The following TCF4 variants were observed in gnomAD, a reference collection of about 807,000 sequenced individuals.
TCF4 encodes transcription factor 4.
In TCF4, 3 loss-of-function variants were observed where a neutral mutation model predicts 82.1. That is an observed-to-expected ratio of 0.04 (90% CI 0.02 to 0.09). The LOEUF (loss-of-function observed/expected upper bound fraction) is 0.09. TCF4 is among the 10% of genes least tolerant of loss of function. The pLI is 1.00. For missense variants in TCF4, 518 were observed against 852.7 expected (o/e 0.61, Z 4.89); for synonymous variants, 276 against 309.6 (o/e 0.89, Z 1.14).
intron 2 of TCF4, chr18:55,596,285 G>A: frequency 6.7e-6 from 2 of 298,882 alleles, no homozygotes; most frequent in South Asian, 4.9e-5. Flanking sequence ...TAAAGCTATG[G>A]CACATGTCAC....
chr18:55,499,962 C>T (rs1336164616), intron 3 of TCF4, among the ~76,000 whole-genome samples: 1 of 151,972 alleles, frequency 6.6e-6, no homozygotes, highest in Non-Finnish European at 1.5e-5. Context: ...GCAGGCGGAT[C>T]ACACAAGGTC....
At chr18:55,589,808 A>G (rs929716234), upstream of TCF4, 27 of 1,007,928 alleles carry the variant, frequency 2.7e-5, no homozygotes, top group African/African-American at 3.5e-5. Flanking sequence ...GGGCTTATAA[A>G]GAGAAGGAGC....
intron 3 of TCF4, among the ~76,000 whole-genome samples, chr18:55,582,289 A>G (rs796840248): frequency 9.2e-5 from 14 of 152,230 alleles, no homozygotes; most frequent in African/African-American, 3.4e-4. Context: ...TTTTAAGATC[A>G]ATGATATAAC....
rs2046162661 is a variant in TCF4, at chr18:55,223,646, C to T, written c.*4389G>A. The T allele has an allele frequency of 1.3e-5, 2 of 151,396 alleles. No individual in the cohort carries two copies. The highest frequency in any genetic ancestry group is 2.4e-5 in the African/African-American group (1 of 41,106). 9.4% of individuals were successfully genotyped at this position (151,396 alleles called of 1,614,324 possible). A position where few individuals can be genotyped will look rare whatever the true frequency, so the allele number is the denominator to read the frequency against. Reference sequence around the variant, plus strand: ...AAAAACATGAAAAAATCGAGGCACTCAGCCACACATTGAAAACAAGGTGTA... The same window carrying T: ...AAAAACATGAAAAAATCGAGGCACTTAGCCACACATTGAAAACAAGGTGTA... On this transcript the variant is annotated 3_prime_UTR_variant, in exon 20 of 20. Coordinates refer to ENST00000354452, the MANE Select transcript of TCF4 (RefSeq NM_001083962.2).
At chr18:55,363,486 A>G (rs1209673013) in intron 6 of TCF4, among the ~76,000 whole-genome samples, 1 of 152,160 alleles carries the variant, frequency 6.6e-6, no homozygotes, top group East Asian at 1.9e-4. Flanking sequence ...ACATATTGGG[A>G]CCCAGACTAC....
intron 8 of TCF4, among the ~76,000 whole-genome samples, chr18:55,343,625 A>C (rs1363724409): frequency 6.6e-6 from 1 of 152,172 alleles, no homozygotes; most frequent in Non-Finnish European, 1.5e-5. Context: ...CAAAATGCAG[A>C]AACTTCTGCA....
rs773484932 is a variant in TCF4 at position 55,403,446 on chromosome 18, TCA to T, written c.369+6_369+7del. 3 of 1,613,750 alleles carry T rather than the reference TCA, an allele frequency of 1.9e-6. No individual in the cohort carries two copies. The Admixed American group carries it at 5.0e-5, about 27-fold the overall frequency. ...CTCAACCCTTCCGCAACAGAGATTC[TCA>T]CTTACCTGGTGGCAACCCTGTAAGT... On this transcript the variant is annotated splice_donor_region_variant and intron_variant, in intron 6 of 19. Coordinates refer to ENST00000354452, the MANE Select transcript of TCF4 (RefSeq NM_001083962.2).
intron 5 of TCF4, among the ~76,000 whole-genome samples, chr18:55,429,577 C>T (rs374193953): frequency 9.2e-5 from 14 of 151,982 alleles, no homozygotes; most frequent in African/African-American, 2.2e-4. Context: ...CTGGCTAACA[C>T]GGTGAAACCC....
intron 2 of TCF4, among the ~76,000 whole-genome samples, chr18:55,621,741 G>A (rs868583258): frequency 2.6e-5 from 2 of 76,582 alleles, no homozygotes; most frequent in Non-Finnish European, 4.6e-5. Flanking sequence ...TTATACAATT[G>A]TATTTATAAT....
At chr18:55,635,429 A>T (rs2097735358) in intron 1 of TCF4, among the ~76,000 whole-genome samples, 1 of 152,000 alleles carries the variant, frequency 6.6e-6, no homozygotes, top group Admixed American at 6.6e-5. Flanking sequence ...GAATTGCTAG[A>T]ACCCGGGAGG....
intron 3 of TCF4, among the ~76,000 whole-genome samples, chr18:55,526,789 C>T (rs1435432100): frequency 1.3e-5 from 2 of 152,180 alleles, no homozygotes; most frequent in Admixed American, 1.3e-4. Context: ...TAACCCTCAA[C>T]TGGATCCTAA....
chr18:55,622,559 T>C (rs1289558022), intron 2 of TCF4, among the ~76,000 whole-genome samples: 1 of 150,008 alleles, frequency 6.7e-6, no homozygotes, highest in Non-Finnish European at 1.5e-5. Context: ...ATAATAGTGA[T>C]ATTCTAATTG....
chr18:55,406,855 G>A (rs1432967286), intron 5 of TCF4, among the ~76,000 whole-genome samples: 2 of 152,192 alleles, frequency 1.3e-5, no homozygotes, highest in African/African-American at 4.8e-5. Flanking sequence ...CGGAATTTTC[G>A]AGACAACCCT....
rs757858888 is a variant in TCF4 at position 55,505,354 on chromosome 18, CATA to C, written c.146-41220_146-41218del. Among the ~76,000 whole-genome samples, 68 of 152,214 alleles carry C rather than the reference CATA, an allele frequency of 4.5e-4. No individual in the cohort carries two copies. In the East Asian group the frequency reaches 0.013, roughly 29 times the overall value. On this transcript the variant is annotated intron_variant, in intron 3 of 19. Coordinates refer to ENST00000354452, the MANE Select transcript of TCF4 (RefSeq NM_001083962.2). The stretch of plus-strand genomic sequence containing the variant: ...TATTATTATATTACTATCAACAATA[CATA>C]ATAATGACATAATCATTAATAACAT...
chr18:55,608,673 G>A (rs546785116), intron 2 of TCF4, among the ~76,000 whole-genome samples: 2 of 152,192 alleles, frequency 1.3e-5, no homozygotes, highest in East Asian at 1.9e-4. Flanking sequence ...ACAGCGTCCC[G>A]CCTTCAAAGA....
At chr18:55,573,410 T>G (rs546220523) in intron 3 of TCF4, among the ~76,000 whole-genome samples, 2 of 152,242 alleles carry the variant, frequency 1.3e-5, no homozygotes, top group East Asian at 3.9e-4. Context: ...ACCCACACTG[T>G]AGAACCAGCA....
chr18:55,601,466 GAAAA>G (rs10718664), intron 2 of TCF4, among the ~76,000 whole-genome samples: 1 of 142,714 alleles, frequency 7.0e-6, no homozygotes, highest in Non-Finnish European at 1.5e-5. Flanking sequence ...CCATAACTGA[GAAAA>G]AAAAAAAAAA....
At chr18:55,512,768 G>A (rs900842747) in intron 3 of TCF4, among the ~76,000 whole-genome samples, 2 of 152,026 alleles carry the variant, frequency 1.3e-5, no homozygotes, top group Admixed American at 6.6e-5. Context: ...TACATTGCAT[G>A]TGTTTAAAAA....
chr18:55,388,400 C>G (rs1221804425), intron 6 of TCF4, among the ~76,000 whole-genome samples: 1 of 152,242 alleles, frequency 6.6e-6, no homozygotes, highest in African/African-American at 2.4e-5. Flanking sequence ...CAATAGATAG[C>G]ATGGGCGGTA....
Sources: allele counts gnomAD v4.1 joint callset (sites outside exome capture counted in the v4.1 genomes callset), GRCh38; gene constraint gnomAD v4.1.1; transcripts MANE v1.5; gene names NCBI Gene and HGNC (gene_info 2026-07-23, HGNC 2026-07-21).